TTC34: variants seen among roughly 807,000 people sequenced by gnomAD.
TTC34 encodes the protein tetratricopeptide repeat protein 34.
In TTC34, 44 loss-of-function variants were observed where a neutral mutation model predicts 40.7. The observed-to-expected ratio is 1.08, with a 90% CI of 0.85 to 1.39. The LOEUF (loss-of-function observed/expected upper bound fraction) is 1.39, where lower values mean the gene tolerates loss of function less well. Ranked by LOEUF, TTC34 falls within the 40% of genes most tolerant of loss-of-function variation. The pLI is 0.00. For missense variants in TTC34, 884 were observed against 838.0 expected (o/e 1.05, Z -0.68); for synonymous variants, 422 against 398.6 (o/e 1.06, Z -0.70).
intron 6 of TTC34, among the ~76,000 whole-genome samples, chr1:2,756,578 C>T (rs1641512501): frequency 6.6e-6 from 1 of 151,620 alleles, no homozygotes; most frequent in African/African-American, 2.4e-5. Context: ...CCTGAAGCAG[C>T]ACCCACACCA....
chr1:2,671,580 A>AAATG (rs1639702059), intron 6 of TTC34, among the ~76,000 whole-genome samples: 7 of 64,722 alleles, frequency 1.1e-4, no homozygotes, highest in South Asian at 4.3e-4. Context: ...AGCCTGGAGC[A>AAATG]GCACCCACAC....
intron 6 of TTC34, among the ~76,000 whole-genome samples, chr1:2,764,597 T>C (rs1641745594): frequency 7.9e-6 from 1 of 125,856 alleles, no homozygotes; most frequent in Non-Finnish European, 1.7e-5. Flanking sequence ...GGTGAGCATC[T>C]GACAGCCTGG....
intron 6 of TTC34, among the ~76,000 whole-genome samples, chr1:2,675,188 G>A (rs1479823229): frequency 8.1e-5 from 8 of 98,516 alleles, no homozygotes; most frequent in East Asian, 5.5e-4. Context: ...ACATCCTGGA[G>A]CAGCACCGAC....
intron 6 of TTC34, among the ~76,000 whole-genome samples, chr1:2,657,512 C>A (rs1461715110): frequency 1.0e-5 from 1 of 97,650 alleles, no homozygotes; most frequent in Non-Finnish European, 2.7e-5. Flanking sequence ...CCCAGGCGAG[C>A]ATCTGACAGC....
At chr1:2,675,096 T>C (rs1438996384) in intron 6 of TTC34, among the ~76,000 whole-genome samples, 13 of 11,676 alleles carry the variant, frequency 1.1e-3, no homozygotes, top group East Asian at 3.9e-3. Context: ...GGCGAGCATC[T>C]GACAGCCTGG....
chr1:2,683,111 C>T (rs1276734912), intron 6 of TTC34, among the ~76,000 whole-genome samples: 90 of 137,920 alleles, frequency 6.5e-4, no homozygotes, highest in South Asian at 1.4e-3. Flanking sequence ...GCATCCACAC[C>T]CCCAGGTGAG....
intron 6 of TTC34, among the ~76,000 whole-genome samples, chr1:2,782,667 T>G (rs1643504216): frequency 6.6e-6 from 1 of 152,220 alleles, no homozygotes. Context: ...GTCTCATAAT[T>G]TGGGGTGTGT....
chr1:2,779,828 G>A (rs1643451372), intron 6 of TTC34, among the ~76,000 whole-genome samples: 1 of 152,178 alleles, frequency 6.6e-6, no homozygotes, highest in Non-Finnish European at 1.5e-5. Flanking sequence ...CTTCCCTGAT[G>A]ATTGGTGATG....
intron 6 of TTC34, among the ~76,000 whole-genome samples, chr1:2,759,625 A>C (rs1641625415): frequency 6.6e-6 from 1 of 152,168 alleles, no homozygotes; most frequent in Non-Finnish European, 1.5e-5. Flanking sequence ...GCCAGCCTGG[A>C]ACAGCACCCA....
chr1:2,761,114 C>T (rs1411083562), intron 6 of TTC34, among the ~76,000 whole-genome samples: 1 of 55,452 alleles, frequency 1.8e-5, no homozygotes, highest in South Asian at 1.1e-3. Context: ...CCTGGAGCAT[C>T]ACATACTCCC....
At chr1:2,800,861 C>T (rs1028151636) in exon 2 of TTC34, 4 of 398,512 alleles carry the variant, frequency 1.0e-5, no homozygotes, top group African/African-American at 6.2e-5. Flanking sequence ...GTCTGGTCCT[C>T]AGAGTACCTG....
intron 6 of TTC34, among the ~76,000 whole-genome samples, chr1:2,755,823 A>C (rs1363603082): frequency 0.026 from 433 of 16,516 alleles, no homozygotes; most frequent in Middle Eastern, 0.071. Context: ...AGCACCCACA[A>C]CCACAGGTGA....
chr1:2,675,196 G>C (rs1553153488), intron 6 of TTC34, among the ~76,000 whole-genome samples: 129 of 81,090 alleles, frequency 1.6e-3, no homozygotes, highest in Middle Eastern at 0.01. Flanking sequence ...GAGCAGCACC[G>C]ACAACCCCAG....
intron 6 of TTC34, among the ~76,000 whole-genome samples, chr1:2,693,751 A>C (rs1211823887): frequency 3.8e-5 from 3 of 79,136 alleles, no homozygotes; most frequent in Admixed American, 1.2e-4. Context: ...CCACACCTCC[A>C]GGCGAGCATC....
At chr1:2,695,130 G>A (rs1389368814) in intron 6 of TTC34, among the ~76,000 whole-genome samples, 8 of 92,522 alleles carry the variant, frequency 8.6e-5, no homozygotes, top group Non-Finnish European at 1.6e-4. Context: ...ATGAGCATCT[G>A]ACAGCGTGGA....
chr1:2,753,417 C>A (rs1335443036), intron 6 of TTC34, among the ~76,000 whole-genome samples: 2 of 123,060 alleles, frequency 1.6e-5, no homozygotes, highest in Non-Finnish European at 3.3e-5. Context: ...CACCCACACC[C>A]ACAGGTGAGC....
chr1:2,765,775 A>T (rs1641771377), intron 6 of TTC34, among the ~76,000 whole-genome samples: 5 of 30,782 alleles, frequency 1.6e-4, no homozygotes, highest in Admixed American at 3.5e-4. Context: ...AGCATGTGAC[A>T]GCCTGGAGCA....
chr1:2,644,552 C>T (rs566972396), intron 7 of TTC34, 74 bp from the exon 8 acceptor site: 101 of 1,409,994 alleles, frequency 7.2e-5, no homozygotes, highest in African/African-American at 2.8e-4. Flanking sequence ...ACTCGCTGGC[C>T]GCTCCTTCCC....
At chr1:2,681,553 T>C in intron 6 of TTC34, among the ~76,000 whole-genome samples, 1 of 72,512 alleles carries the variant, frequency 1.4e-5, no homozygotes, top group Non-Finnish European at 3.2e-5. Flanking sequence ...CACCCCCAGT[T>C]GCGCATCTGA....
Sources: allele counts gnomAD v4.1 joint callset (sites outside exome capture counted in the v4.1 genomes callset), GRCh38; gene constraint gnomAD v4.1.1; transcripts MANE v1.5; gene names NCBI Gene and HGNC (gene_info 2026-07-23, HGNC 2026-07-21).